GRAMD1B: variants seen among roughly 807,000 people sequenced by gnomAD.
GRAMD1B encodes GRAM domain containing 1B.
GRAMD1B carries 37 observed loss-of-function variants against 99.7 expected under a neutral mutation model. The observed-to-expected ratio is 0.37, with a 90% CI of 0.29 to 0.49. The LOEUF (loss-of-function observed/expected upper bound fraction) is 0.49, where lower values mean the gene tolerates loss of function less well. Among genes scored for constraint, GRAMD1B ranks in the 20% least tolerant of loss-of-function variants. The pLI, the probability that GRAMD1B is intolerant of heterozygous loss-of-function variation, is 0.98. For missense variants in GRAMD1B, 888 were observed against 1,009.2 expected (o/e 0.88, Z 1.63); for synonymous variants, 427 against 387.6 (o/e 1.10, Z -1.19).
At chr11:123,477,407 G>A (rs2134763257) in intron 1 of GRAMD1B, among the ~76,000 whole-genome samples, 1 of 149,750 alleles carries the variant, frequency 6.7e-6, no homozygotes, top group African/African-American at 2.5e-5. Context: ...AGTGGTAAAT[G>A]GAATTGTCAC....
At chr11:123,401,202 G>A (rs960170481) in intron 1 of GRAMD1B, among the ~76,000 whole-genome samples, 1 of 152,192 alleles carries the variant, frequency 6.6e-6, no homozygotes, top group African/African-American at 2.4e-5. Context: ...GTAACGTGAA[G>A]GATGGATTCA....
intron 1 of GRAMD1B, among the ~76,000 whole-genome samples, chr11:123,400,944 T>C (rs996318559): frequency 1.3e-5 from 2 of 152,156 alleles, no homozygotes; most frequent in Non-Finnish European, 2.9e-5. Flanking sequence ...CTTCTCCAAG[T>C]TTATTGAACT....
chr11:123,488,350 C>T (rs2846320), intron 2 of GRAMD1B, among the ~76,000 whole-genome samples: 64,770 of 151,846 alleles, frequency 0.43, 15,798 homozygotes, highest in African/African-American at 0.67. Context: ...TGAGTCCTAG[C>T]CCCTCCGGGG....
At chr11:123,365,515 G>A (rs960823347) in intron 1 of GRAMD1B, among the ~76,000 whole-genome samples, 2 of 152,188 alleles carry the variant, frequency 1.3e-5, no homozygotes, top group African/African-American at 2.4e-5. Context: ...GCCTCCCAAA[G>A]TGTTGGGATT....
At chr11:123,564,902 G>A (rs992531981) in intron 2 of GRAMD1B, among the ~76,000 whole-genome samples, 1 of 152,152 alleles carries the variant, frequency 6.6e-6, no homozygotes, top group Admixed American at 6.6e-5. Context: ...AGAGTTTAGC[G>A]CCTTTCTGCT....
chr11:123,501,857 G>A (rs139368722), intron 2 of GRAMD1B, among the ~76,000 whole-genome samples: 2 of 152,306 alleles, frequency 1.3e-5, no homozygotes, highest in African/African-American at 4.8e-5. Flanking sequence ...TTATATGTGG[G>A]AAAGTTCCAG....
intron 1 of GRAMD1B, among the ~76,000 whole-genome samples, chr11:123,383,144 A>G (rs1455340568): frequency 1.3e-5 from 2 of 152,092 alleles, no homozygotes; most frequent in East Asian, 3.9e-4. Flanking sequence ...GAGAACACTC[A>G]GGCATTAACT....
At chr11:123,391,171 C>T (rs1947264255) in intron 1 of GRAMD1B, among the ~76,000 whole-genome samples, 1 of 152,178 alleles carries the variant, frequency 6.6e-6, no homozygotes. Flanking sequence ...AATCCCGCCA[C>T]TTGCCCTACT....
intron 1 of GRAMD1B, among the ~76,000 whole-genome samples, chr11:123,441,808 G>GA (rs397757955): frequency 0.55 from 82,775 of 151,382 alleles, 23,108 homozygotes; most frequent in African/African-American, 0.63. Context: ...AAGAGAGAGA[G>GA]AAAAAAAAGT....
chr11:123,576,792 G>C (rs1204316163), intron 2 of GRAMD1B, among the ~76,000 whole-genome samples: 5 of 152,218 alleles, frequency 3.3e-5, no homozygotes, highest in Admixed American at 3.3e-4. Context: ...TGGGCATTTA[G>C]CTTCCCTCTG....
intron 1 of GRAMD1B, among the ~76,000 whole-genome samples, chr11:123,399,404 G>C (rs1029552644): frequency 5.3e-5 from 8 of 152,184 alleles, no homozygotes; most frequent in Admixed American, 4.6e-4. Context: ...TGGAAGTGCA[G>C]GCATCTCTTT....
At chr11:123,529,646 G>A (rs1318015005) in intron 2 of GRAMD1B, among the ~76,000 whole-genome samples, 1 of 152,148 alleles carries the variant, frequency 6.6e-6, no homozygotes, top group Non-Finnish European at 1.5e-5. Flanking sequence ...GTAGTGATTT[G>A]GAAGCCAAGA....
At chr11:123,404,941 C>T (rs2135939518) in intron 1 of GRAMD1B, among the ~76,000 whole-genome samples, 1 of 152,284 alleles carries the variant, frequency 6.6e-6, no homozygotes, top group African/African-American at 2.4e-5. Context: ...CTGGCTACCA[C>T]AAAGCACTCT....
At chr11:123,405,689 A>C (rs896288263) in intron 1 of GRAMD1B, among the ~76,000 whole-genome samples, 9 of 151,964 alleles carry the variant, frequency 5.9e-5, no homozygotes, top group African/African-American at 2.2e-4. Context: ...AAAGCTGATC[A>C]CTCTCGTTCT....
At chr11:123,555,649 GA>G (rs1370757009) in intron 2 of GRAMD1B, among the ~76,000 whole-genome samples, 2 of 151,344 alleles carry the variant, frequency 1.3e-5, no homozygotes, top group Non-Finnish European at 2.9e-5. Flanking sequence ...GTGCCCAGTG[GA>G]AAAGATGGAT....
intron 7 of GRAMD1B, chr11:123,598,292 G>T: frequency 1.5e-6 from 2 of 1,294,998 alleles, no homozygotes; most frequent in Non-Finnish European, 2.2e-6. Flanking sequence ...GGTTTGCCAA[G>T]TGGCCAAGTG....
intron 1 of GRAMD1B, among the ~76,000 whole-genome samples, chr11:123,441,639 G>GA (rs570122014): frequency 1.3e-5 from 2 of 151,478 alleles, no homozygotes; most frequent in Non-Finnish European, 2.9e-5. Flanking sequence ...AAAAAAAAGA[G>GA]AAAAAAATTA....
chr11:123,551,073 T>C (rs898831493), intron 2 of GRAMD1B, among the ~76,000 whole-genome samples: 1 of 152,144 alleles, frequency 6.6e-6, no homozygotes, highest in African/African-American at 2.4e-5. Flanking sequence ...GGAATCAGGA[T>C]TGGGCTGAGG....
chr11:123,488,589 C>T (rs1183548552), intron 2 of GRAMD1B, among the ~76,000 whole-genome samples: 2 of 152,204 alleles, frequency 1.3e-5, no homozygotes, highest in Non-Finnish European at 2.9e-5. Flanking sequence ...GGGGTGATGA[C>T]GTGTCGGAAC....
Sources: gnomAD v4.1 joint callset for allele counts (sites outside exome capture counted in the v4.1 genomes callset) on GRCh38, gnomAD v4.1.1 for gene constraint, MANE v1.5 for transcripts, NCBI Gene and HGNC (gene_info 2026-07-23, HGNC 2026-07-21) for gene names.